The following SLCO3A1 variants were observed in gnomAD, a reference collection of about 807,000 sequenced individuals.
SLCO3A1 encodes the protein PGE1 transporter.
Under a neutral mutation model 63.1 loss-of-function variants are expected in SLCO3A1, and 27 were observed. That is an observed-to-expected ratio of 0.43 (90% CI 0.32 to 0.59). SLCO3A1 has a LOEUF of 0.59. Among genes scored for constraint, SLCO3A1 ranks in the 20% least tolerant of loss-of-function variants. The pLI is 0.09. For missense variants in SLCO3A1, 773 were observed against 945.8 expected (o/e 0.82, Z 2.40); for synonymous variants, 473 against 409.9 (o/e 1.15, Z -1.86).
At chr15:92,087,516 ATTTT>A (rs34074469) in intron 2 of SLCO3A1, among the ~76,000 whole-genome samples, 4 of 121,764 alleles carry the variant, frequency 3.3e-5, no homozygotes, top group Non-Finnish European at 5.1e-5. Flanking sequence ...ATTATCTATT[ATTTT>A]TTTTTTTTTT....
intron 2 of SLCO3A1, among the ~76,000 whole-genome samples, chr15:92,088,016 CACAG>C (rs2047427229): frequency 1.3e-5 from 2 of 152,110 alleles, no homozygotes; most frequent in South Asian, 4.1e-4. Flanking sequence ...GAGTCCACAG[CACAG>C]ACAGAGACAT....
intron 2 of SLCO3A1, among the ~76,000 whole-genome samples, chr15:92,091,140 G>C (rs906051868): frequency 5.3e-5 from 8 of 152,132 alleles, no homozygotes; most frequent in African/African-American, 1.9e-4. Context: ...CTGTTTTTCC[G>C]CTGTGAAACA....
At chr15:92,148,905 CTA>C (rs1157415835) in intron 8 of SLCO3A1, 2 of 152,144 alleles carry the variant, frequency 1.3e-5, no homozygotes, top group African/African-American at 4.8e-5. Context: ...GAATTTAAAA[CTA>C]TTTAGAGAAG....
At chr15:91,998,252 G>A (rs975508658) in intron 2 of SLCO3A1, among the ~76,000 whole-genome samples, 10 of 152,124 alleles carry the variant, frequency 6.6e-5, no homozygotes, top group Middle Eastern at 3.2e-3. Context: ...TCAGGGGTTC[G>A]AGACCAACGT....
rs146772557 is a variant in SLCO3A1, at chr15:92,040,131, G to T, written c.647-54750G>T. ...TAAAACCTAGATGATGGGTTGATAG[G>T]TGAAGCAAACCACCACGGCACATGT... On this transcript the variant is annotated intron_variant, in intron 2 of 9. Coordinates refer to ENST00000318445, the MANE Select transcript of SLCO3A1 (RefSeq NM_013272.4). 2.0e-3 allele frequency among the ~76,000 whole-genome samples: 312 copies of T among 152,196 alleles called. 2 individuals are homozygous for T. The highest frequency in any genetic ancestry group is 8.1e-3 in the East Asian group (42 of 5,180).
intron 2 of SLCO3A1, among the ~76,000 whole-genome samples, chr15:91,931,471 A>G (rs1899226368): frequency 6.8e-6 from 1 of 147,132 alleles, no homozygotes; most frequent in Non-Finnish European, 1.5e-5. Flanking sequence ...GCTGGGTTGT[A>G]TCTTTTTTTT....
At chr15:91,939,870 C>G (rs977351545) in intron 2 of SLCO3A1, among the ~76,000 whole-genome samples, 2 of 152,174 alleles carry the variant, frequency 1.3e-5, no homozygotes, top group African/African-American at 4.8e-5. Flanking sequence ...CTAGCAATTA[C>G]TGAGTTCTTC....
intron 4 of SLCO3A1, among the ~76,000 whole-genome samples, chr15:92,119,555 G>C (rs896229097): frequency 1.1e-4 from 16 of 152,182 alleles, no homozygotes; most frequent in Admixed American, 7.2e-4. Flanking sequence ...TCTACAGGCA[G>C]AGCATTCTTG....
intron 9 of SLCO3A1, chr15:92,151,246 A>C: frequency 2.3e-6 from 1 of 442,528 alleles, no homozygotes; most frequent in Admixed American, 4.1e-5. Context: ...CGCCACCGTG[A>C]ATTCTCATCG....
In SLCO3A1 at chr15:92,033,896, G is replaced by A. The variant is rs1176766551; in HGVS notation, c.647-60985G>A. On this transcript the variant is annotated intron_variant, in intron 2 of 9. Transcript: ENST00000318445. This position sits in a 1 kb window ranked among gnomAD's most constrained non-coding sequence, Gnocchi z 4.5. ...CCAGTGAGGGCTGAGGCTTATTAGGGCTGGAGCAGGCTGGCGTTGATGAGC... is the reference window on the plus strand; with the variant it reads ...CCAGTGAGGGCTGAGGCTTATTAGGACTGGAGCAGGCTGGCGTTGATGAGC... Among the ~76,000 whole-genome samples, 1 of 152,116 alleles carries A rather than the reference G, an allele frequency of 6.6e-6. No individual in the cohort carries two copies. The highest frequency in any genetic ancestry group is 1.5e-5 in the Non-Finnish European group (1 of 68,014).
chr15:92,049,108 T>C (rs2046926058), intron 2 of SLCO3A1, among the ~76,000 whole-genome samples: 1 of 151,888 alleles, frequency 6.6e-6, no homozygotes, highest in Admixed American at 6.6e-5. Flanking sequence ...TAGAGATGAG[T>C]GGTTACAAGG....
intron 2 of SLCO3A1, among the ~76,000 whole-genome samples, chr15:91,947,603 C>T (rs895523374): frequency 3.9e-5 from 6 of 152,178 alleles, no homozygotes; most frequent in East Asian, 1.9e-4. Context: ...GCCGACAGAT[C>T]GTTGCCTTCG....
chr15:92,011,691 C>T (rs544724085), intron 2 of SLCO3A1, among the ~76,000 whole-genome samples: 1 of 152,326 alleles, frequency 6.6e-6, no homozygotes, highest in African/African-American at 2.4e-5. Flanking sequence ...CTCACCTTCT[C>T]AAAGGAATGT....
intron 2 of SLCO3A1, among the ~76,000 whole-genome samples, chr15:91,993,805 T>A (rs975813155): frequency 3.9e-5 from 6 of 152,198 alleles, no homozygotes; most frequent in African/African-American, 1.4e-4. Context: ...TCGTAAAAGA[T>A]GTTGCTGTTT....
At chr15:91,972,772 C>A (rs78678400) in intron 2 of SLCO3A1, among the ~76,000 whole-genome samples, 3,561 of 152,240 alleles carry the variant, frequency 0.023, 158 homozygotes, top group African/African-American at 0.08. Context: ...GGTGCTGCCT[C>A]GGTCCTCCAG....
intron 2 of SLCO3A1, among the ~76,000 whole-genome samples, chr15:91,923,142 A>G (rs796652976): frequency 3.3e-5 from 5 of 152,298 alleles, no homozygotes; most frequent in African/African-American, 1.2e-4. Flanking sequence ...CTTTTCAGTA[A>G]AATGGTCTGG....
chr15:92,094,211 A>T (rs552121020), intron 2 of SLCO3A1, among the ~76,000 whole-genome samples: 6 of 152,212 alleles, frequency 3.9e-5, no homozygotes, highest in Non-Finnish European at 8.8e-5. Flanking sequence ...CCATTTTCTC[A>T]AGTGCTACAG....
intron 2 of SLCO3A1, among the ~76,000 whole-genome samples, chr15:92,013,892 T>C (rs2046396441): frequency 6.6e-6 from 1 of 152,192 alleles, no homozygotes; most frequent in Admixed American, 6.5e-5. Context: ...AAGAATATGC[T>C]GTCCTAATAG....
At chr15:92,053,814 A>C (rs1249435894) in intron 2 of SLCO3A1, among the ~76,000 whole-genome samples, 1 of 151,690 alleles carries the variant, frequency 6.6e-6, no homozygotes, top group Non-Finnish European at 1.5e-5. Flanking sequence ...AATCAGTAGG[A>C]CTTATCACTG....
Sources: gnomAD v4.1 joint callset for allele counts (sites outside exome capture counted in the v4.1 genomes callset) on GRCh38, gnomAD v4.1.1 for gene constraint, Gnocchi (gnomAD v3.1) non-coding constraint, MANE v1.5 for transcripts, NCBI Gene and HGNC (gene_info 2026-07-23, HGNC 2026-07-21) for gene names.